The following HLCS variants were observed in gnomAD, a reference collection of about 807,000 sequenced individuals.
The protein encoded by HLCS is biotin--protein ligase.
A neutral mutation model predicts 75.0 loss-of-function variants in HLCS; 53 were observed. That is an observed-to-expected ratio of 0.71 (90% CI 0.57 to 0.89). The LOEUF (loss-of-function observed/expected upper bound fraction) is 0.89, where lower values mean the gene tolerates loss of function less well. Ranked by LOEUF, HLCS falls within the 40% of genes least tolerant of loss-of-function variation. HLCS has a pLI of 0.00. For synonymous variants in HLCS, 431 were observed against 428.6 expected (o/e 1.01, Z -0.07); for missense variants, 966 against 1,074.0 (o/e 0.90, Z 1.41).
chr21:36,858,891 C>A lies in HLCS; in HGVS notation c.1892+37969G>T, dbSNP rs1601537376. ...TTCCCAAATGCTCCTCGTGCATCAT[C>A]CCCTCCCCAGGCTTGGGACATCTAC... On this transcript the variant is annotated intron_variant, in intron 6 of 10. Coordinates refer to ENST00000674895, the MANE Select transcript of HLCS (RefSeq NM_001352514.2). Among the ~76,000 whole-genome samples, 3 of 152,352 alleles carry A rather than the reference C, an allele frequency of 2.0e-5. No individual in the cohort carries two copies. The South Asian group carries it at 6.2e-4, about 32-fold the overall frequency.
At chr21:36,803,574 C>T (rs544295364) in intron 6 of HLCS, among the ~76,000 whole-genome samples, 7 of 152,214 alleles carry the variant, frequency 4.6e-5, no homozygotes, top group South Asian at 4.1e-4. Flanking sequence ...CTCAGAGCCC[C>T]GACAGGTTTT....
At chr21:36,936,117 C>G (rs1163932488) in intron 4 of HLCS, among the ~76,000 whole-genome samples, 2 of 152,164 alleles carry the variant, frequency 1.3e-5, no homozygotes, top group Non-Finnish European at 2.9e-5. Flanking sequence ...GGCAAGAAAG[C>G]AGACCGATGA....
At chr21:36,931,745 T>TAAA (rs66513818) in intron 4 of HLCS, among the ~76,000 whole-genome samples, 1 of 144,862 alleles carries the variant, frequency 6.9e-6, no homozygotes, top group Non-Finnish European at 1.5e-5. Flanking sequence ...TGCGACCATT[T>TAAA]AAAAAGAAAA....
chr21:36,952,723 G>C (rs534187601), intron 2 of HLCS, among the ~76,000 whole-genome samples: 1 of 150,846 alleles, frequency 6.6e-6, no homozygotes, highest in African/African-American at 2.4e-5. Flanking sequence ...CCAGGAAGTC[G>C]GAGGTTGCAG....
chr21:36,921,939 A>G (rs1397722520), intron 5 of HLCS, among the ~76,000 whole-genome samples: 1 of 152,224 alleles, frequency 6.6e-6, no homozygotes, highest in Non-Finnish European at 1.5e-5. Flanking sequence ...GTTCTATCTC[A>G]GCAATCTTAA....
At chr21:36,836,315 AT>A (rs11390960) in intron 6 of HLCS, among the ~76,000 whole-genome samples, 10 of 151,714 alleles carry the variant, frequency 6.6e-5, no homozygotes, top group South Asian at 2.1e-4. Flanking sequence ...TCCTGAGGGA[AT>A]TTTTTTTTAT....
At chr21:36,785,394 T>C (rs1217772833) in intron 6 of HLCS, among the ~76,000 whole-genome samples, 1 of 151,828 alleles carries the variant, frequency 6.6e-6, no homozygotes, top group Non-Finnish European at 1.5e-5. Flanking sequence ...CAGATTTTCG[T>C]TCAAATGGTT....
intron 6 of HLCS, among the ~76,000 whole-genome samples, chr21:36,864,391 G>A (rs530271161): frequency 9.4e-5 from 14 of 148,450 alleles, no homozygotes; most frequent in African/African-American, 3.5e-4. Context: ...CAAAGACTAC[G>A]TCTCAAAAAA....
At chr21:36,931,037 A>G (rs1289240312) in intron 4 of HLCS, among the ~76,000 whole-genome samples, 1 of 152,162 alleles carries the variant, frequency 6.6e-6, no homozygotes, top group Non-Finnish European at 1.5e-5. Context: ...TAATCCCAGC[A>G]CTTTGGGAAG....
intron 6 of HLCS, among the ~76,000 whole-genome samples, chr21:36,806,746 T>C (rs1365880902): frequency 2.0e-5 from 3 of 152,224 alleles, no homozygotes; most frequent in Admixed American, 6.5e-5. Flanking sequence ...TATCTATTGC[T>C]GTGTAACAAA....
intron 2 of HLCS, chr21:36,944,242 A>C (rs1041333297): frequency 6.6e-6 from 1 of 152,204 alleles, no homozygotes; most frequent in Non-Finnish European, 1.5e-5. Flanking sequence ...GATTTCAAAA[A>C]CATTATGTTG....
intron 10 of HLCS, 121 bp from the exon 11 acceptor site, chr21:36,754,538 T>C (rs777696838): frequency 6.0e-4 from 647 of 1,072,406 alleles, no homozygotes; most frequent in Admixed American, 8.3e-4. Flanking sequence ...TGAGGCTCGC[T>C]GCAGGGAAAA....
intron 6 of HLCS, among the ~76,000 whole-genome samples, chr21:36,890,149 T>TC (rs963184083): frequency 1.6e-4 from 24 of 152,330 alleles, no homozygotes; most frequent in Middle Eastern, 3.4e-3. Context: ...ATTGTAAGTC[T>TC]CCTGAGGCCT....
At chr21:36,855,618 T>C (rs1377814289) in intron 6 of HLCS, among the ~76,000 whole-genome samples, 3 of 151,786 alleles carry the variant, frequency 2.0e-5, no homozygotes, top group Non-Finnish European at 4.4e-5. Flanking sequence ...TCTCGCTCTA[T>C]TGTCCAGGCT....
chr21:36,809,008 G>A (rs950374582), intron 6 of HLCS, among the ~76,000 whole-genome samples: 1 of 152,146 alleles, frequency 6.6e-6, no homozygotes, highest in Admixed American at 6.6e-5. Flanking sequence ...GAGGGCAGGA[G>A]CTCAAGACTA....
intron 10 of HLCS, among the ~76,000 whole-genome samples, chr21:36,756,281 AC>A (rs2089578738): frequency 6.6e-6 from 1 of 151,710 alleles, no homozygotes; most frequent in Admixed American, 6.6e-5. Context: ...CACTAAAAAT[AC>A]AAAAAATTAG....
At chr21:36,966,274 G>A (rs2068572393) in intron 1 of HLCS, among the ~76,000 whole-genome samples, 170 bp downstream of exon 1, 1 of 152,132 alleles carries the variant, frequency 6.6e-6, no homozygotes, top group Admixed American at 6.5e-5. Context: ...CCGCACCTCC[G>A]GCCTCTCTCT....
At chr21:36,828,469 G>A (rs1033660851) in intron 6 of HLCS, among the ~76,000 whole-genome samples, 2 of 152,168 alleles carry the variant, frequency 1.3e-5, no homozygotes, top group African/African-American at 4.8e-5. Flanking sequence ...TTAATAAGGT[G>A]CTGAACAAAA....
chr21:36,848,886 G>A (rs910722982), intron 6 of HLCS, among the ~76,000 whole-genome samples: 1 of 152,182 alleles, frequency 6.6e-6, no homozygotes, highest in Non-Finnish European at 1.5e-5. Flanking sequence ...CAAAGGATGG[G>A]GAAAGAGGTG....
Sources: gnomAD v4.1 joint callset for allele counts (sites outside exome capture counted in the v4.1 genomes callset) on GRCh38, gnomAD v4.1.1 for gene constraint, MANE v1.5 for transcripts, NCBI Gene and HGNC (gene_info 2026-07-23, HGNC 2026-07-21) for gene names.